Variants in STAM observed in about 807,000 individuals in gnomAD.
STAM encodes the protein signal transducing adapter molecule 1.
A neutral mutation model predicts 63.4 loss-of-function variants in STAM; 16 were observed. That is an observed-to-expected ratio of 0.25 (90% CI 0.17 to 0.38). STAM has a LOEUF of 0.38. Among genes scored for constraint, STAM ranks in the 10% least tolerant of loss-of-function variants. The probability of loss-of-function intolerance (pLI) is 1.00; values close to 1 mark genes in which losing one functional copy is unlikely to be tolerated. For synonymous variants in STAM, 238 were observed against 223.9 expected, an observed-to-expected ratio of 1.06 and a Z score of -0.56; for missense variants, 636 against 657.1, an observed-to-expected ratio of 0.97 and a Z score of 0.35.
intron 2 of STAM, among the ~76,000 whole-genome samples, chr10:17,683,273 C>A (rs1035486673): frequency 1.3e-5 from 2 of 152,092 alleles, no homozygotes; most frequent in South Asian, 2.1e-4. Flanking sequence ...AAGTGAACCT[C>A]CCACCTCAGG....
chr10:17,705,463 T>G, intron 11 of STAM, 125 bp from the exon 12 acceptor site: 2 of 1,152,674 alleles, frequency 1.7e-6, no homozygotes, highest in Non-Finnish European at 2.4e-6. Flanking sequence ...TTGTTATAAG[T>G]GAAATTTTTA....
At position 17,655,023 on chromosome 10, in the gene STAM, T is replaced by A. The variant is rs138183832; in HGVS notation, c.41-5441T>A. 1.8e-3 allele frequency among the ~76,000 whole-genome samples: 272 copies of A among 152,348 alleles called. 2 individuals are homozygous for A. Among genetic ancestry groups the A allele is most frequent in the Middle Eastern group, 6.8e-3 (2 of 294 alleles). Reference sequence around the variant, plus strand: ...ATTCACTTAATTAGAAACAGATTAATTCATTATTCTGTCCTCTTCTTATTT... The same window carrying A: ...ATTCACTTAATTAGAAACAGATTAAATCATTATTCTGTCCTCTTCTTATTT... On this transcript the variant is annotated intron_variant, in intron 1 of 13. Transcript: ENST00000377524.
chr10:17,665,889 G>A (rs1046960813), intron 2 of STAM, among the ~76,000 whole-genome samples: 63 of 152,082 alleles, frequency 4.1e-4, no homozygotes, highest in African/African-American at 1.4e-3. Context: ...GCAATTTCCA[G>A]TGTGTGAGTA....
rs782614712 is a variant in STAM, at chr10:17,660,542, G to T, written c.119G>T (p.Arg40Leu). Residue 40 changes from arginine (R) to leucine (L), a missense_variant, in exon 2 of 14, where the codon CGC (arginine) becomes CTC (leucine). Transcript: ENST00000377524. Reference sequence around the variant, plus strand: ...ATCTGTGATAAAGTTGGTCAGTCTCGCACTGGGTAAGTATTTAGCGTTTCA... The same window carrying T: ...ATCTGTGATAAAGTTGGTCAGTCTCTCACTGGGTAAGTATTTAGCGTTTCA... The part of the protein sequence containing the change: ...LDICDKVGQS[R>L]TGPKDCLRSI... 3 of 1,596,926 alleles carry T rather than the reference G, an allele frequency of 1.9e-6. No individual in the cohort carries two copies. Among genetic ancestry groups the T allele is most frequent in the Non-Finnish European group, 2.6e-6 (3 of 1,171,382 alleles).
At chr10:17,648,015 C>T (rs545249250) in intron 1 of STAM, among the ~76,000 whole-genome samples, 19 of 120,604 alleles carry the variant, frequency 1.6e-4, no homozygotes, top group East Asian at 1.2e-3. Flanking sequence ...TCTCAGTAGA[C>T]GACAACATGA....
intron 1 of STAM, among the ~76,000 whole-genome samples, chr10:17,653,716 G>C (rs759026670): frequency 6.6e-6 from 1 of 152,148 alleles, no homozygotes; most frequent in Non-Finnish European, 1.5e-5. Flanking sequence ...GGCATGATAA[G>C]TGATCTAGAG....
intron 5 of STAM, among the ~76,000 whole-genome samples, chr10:17,692,813 A>T (rs1835596552): frequency 1.3e-5 from 2 of 152,210 alleles, no homozygotes; most frequent in South Asian, 4.1e-4. Flanking sequence ...TGATAACTCT[A>T]ACTATTAATA....
intron 2 of STAM, among the ~76,000 whole-genome samples, chr10:17,661,676 A>G (rs1554822894): frequency 2.0e-5 from 3 of 152,310 alleles, no homozygotes; most frequent in East Asian, 3.9e-4. Context: ...CTTTCATTGC[A>G]CTAAAACTTG....
intron 1 of STAM, among the ~76,000 whole-genome samples, chr10:17,659,685 A>T (rs1448652262): frequency 2.0e-5 from 3 of 151,850 alleles, no homozygotes; most frequent in Non-Finnish European, 4.4e-5. Context: ...CTGGTCTCCA[A>T]TTCCCATCCT....
chr10:17,690,136 A>G (rs1342137803), intron 5 of STAM, among the ~76,000 whole-genome samples: 4 of 152,214 alleles, frequency 2.6e-5, no homozygotes, highest in African/African-American at 9.6e-5. Flanking sequence ...TTGCCCAGGG[A>G]CACAGCTCAT....
chr10:17,683,351 A>C (rs575910216), intron 2 of STAM, among the ~76,000 whole-genome samples: 1 of 152,008 alleles, frequency 6.6e-6, no homozygotes. Context: ...TTGTAGAGAT[A>C]GGGTTTCACA....
At chr10:17,669,344 T>TGGTCTTGA (rs1485176971) in intron 2 of STAM, among the ~76,000 whole-genome samples, 2 of 151,598 alleles carry the variant, frequency 1.3e-5, no homozygotes, top group African/African-American at 4.8e-5. Flanking sequence ...TGGTAGGATA[T>TGGTCTTGA]GGTCTTGAGG....
intron 12 of STAM, among the ~76,000 whole-genome samples, chr10:17,706,903 A>T (rs1836310772): frequency 6.6e-6 from 1 of 152,234 alleles, no homozygotes; most frequent in South Asian, 2.1e-4. Context: ...CAGTGAAAAA[A>T]AAATGAGGTA....
At chr10:17,709,229 G>A (rs1836444721) in intron 13 of STAM, among the ~76,000 whole-genome samples, 1 of 151,902 alleles carries the variant, frequency 6.6e-6, no homozygotes, top group South Asian at 2.1e-4. Context: ...GTTTTTATTT[G>A]CATCTATGAT....
intron 2 of STAM, among the ~76,000 whole-genome samples, chr10:17,670,602 G>T (rs1050669758): frequency 6.6e-6 from 1 of 151,988 alleles, no homozygotes; most frequent in Non-Finnish European, 1.5e-5. Flanking sequence ...GTGTTACATG[G>T]TCTAGAAAAC....
rs782389207 is a variant in STAM, at chr10:17,704,533, T to C, written c.1000+15T>C. The C allele has an allele frequency of 3.1e-6, 5 of 1,607,510 alleles. No homozygotes were observed. In the Admixed American group the frequency reaches 8.3e-5, roughly 27 times the overall value. The stretch of plus-strand genomic sequence containing the variant: ...TCATCTTGAAGGTAAAACTTTTCTA[T>C]TTACCTTGCAAATAAAGAGTAGTTA... On this transcript the variant is annotated intron_variant, in intron 10 of 13. Coordinates refer to ENST00000377524, the MANE Select transcript of STAM (RefSeq NM_003473.4).
chr10:17,697,445 A>G (rs963195861), intron 8 of STAM, among the ~76,000 whole-genome samples: 1 of 152,210 alleles, frequency 6.6e-6, no homozygotes. Context: ...TCTCCAAGCA[A>G]CATGTCAGAT....
chr10:17,698,350 A>G (rs1211832373), intron 8 of STAM, among the ~76,000 whole-genome samples: 1 of 150,830 alleles, frequency 6.6e-6, no homozygotes, highest in African/African-American at 2.4e-5. Flanking sequence ...GTTCCTGGAG[A>G]GGATAGAATT....
chr10:17,714,980 G>A lies in STAM; in HGVS notation c.*200G>A. ...TTCTTCCCCCCCCGCCCCTGCAGAG[G>A]AATGAAACTACTTACAACATTTAAT... On this transcript the variant is annotated 3_prime_UTR_variant, in exon 14 of 14. Coordinates refer to ENST00000377524, the MANE Select transcript of STAM (RefSeq NM_003473.4). The A allele has an allele frequency of 1.8e-6, 1 of 570,776 alleles. No homozygotes were observed. The allele number at this position is 570,776 out of a possible 1,614,324, so 35.4% of individuals were successfully genotyped here. A position where few individuals can be genotyped will look rare whatever the true frequency, so the allele number is the denominator to read the frequency against.
Sources: allele counts gnomAD v4.1 joint callset (sites outside exome capture counted in the v4.1 genomes callset), GRCh38; gene constraint gnomAD v4.1.1; transcripts MANE v1.5; gene names NCBI Gene and HGNC (gene_info 2026-07-23, HGNC 2026-07-21).